Variants in ATG2B observed in about 807,000 individuals in gnomAD.
ATG2B encodes autophagy-related protein 2 homolog B.
Under a neutral mutation model 241.3 loss-of-function variants are expected in ATG2B, and 121 were observed. That is an observed-to-expected ratio of 0.50 (90% CI 0.43 to 0.58). The LOEUF (loss-of-function observed/expected upper bound fraction) is 0.58, where lower values mean the gene tolerates loss of function less well. ATG2B is among the 20% of genes least tolerant of loss of function. ATG2B has a pLI of 0.00. For missense variants in ATG2B, 2,306 were observed against 2,491.6 expected, an observed-to-expected ratio of 0.93 and a Z score of 1.59; for synonymous variants, 858 against 876.6, an observed-to-expected ratio of 0.98 and a Z score of 0.37.
intron 1 of ATG2B, among the ~76,000 whole-genome samples, chr14:96,354,434 G>A (rs376882234): frequency 2.0e-4 from 31 of 152,236 alleles, no homozygotes; most frequent in Non-Finnish European, 3.4e-4. Context: ...CTCCATCCAC[G>A]TGCCTGCAAA....
At chr14:96,314,986 C>T (rs1231435641) in intron 23 of ATG2B, among the ~76,000 whole-genome samples, 168 bp downstream of exon 23, 2 of 152,222 alleles carry the variant, frequency 1.3e-5, no homozygotes, top group African/African-American at 2.4e-5. Context: ...CCACCGTGCC[C>T]GGCCAATACT....
rs1566716988 is a variant in ATG2B, at chr14:96,302,007, C to G, written c.5139G>C (p.Gln1713His). The change falls in exon 34 of 42, where the codon CAG becomes CAC. Residue 1713 changes from glutamine (Q) to histidine (H), a missense_variant and splice_region_variant. Physicochemically the swap from Gln to His is conservative, Grantham distance 24. This residue lies in a region of ATG2B where 379 missense variants were observed against 480.4 expected (regional missense o/e 0.79). Transcript: ENST00000359933. ...SLMPLRLNID[Q>H]DALFFLKDFF... Reference sequence around the variant, plus strand: ...CAGGAATCACGCTCATGCTACAAACCTGGTCAATATTGAGGCGGAGCGGCA... The same window carrying G: ...CAGGAATCACGCTCATGCTACAAACGTGGTCAATATTGAGGCGGAGCGGCA... 6 of 1,612,046 alleles carry G rather than the reference C, an allele frequency of 3.7e-6. No individual in the cohort carries two copies. The highest frequency in any genetic ancestry group is 5.1e-6 in the Non-Finnish European group (6 of 1,178,598).
intron 3 of ATG2B, 131 bp from the exon 4 acceptor site, chr14:96,344,887 T>A (rs1049443863): frequency 7.9e-6 from 4 of 508,456 alleles, no homozygotes; most frequent in East Asian, 3.2e-5. Flanking sequence ...TTTCTTTCCA[T>A]TAAAATCCTT....
intron 6 of ATG2B, among the ~76,000 whole-genome samples, chr14:96,337,848 T>A (rs1348052919): frequency 6.6e-6 from 1 of 152,178 alleles, no homozygotes; most frequent in Non-Finnish European, 1.5e-5. Context: ...GCATTGAATA[T>A]GTGGATTGTT....
intron 36 of ATG2B, among the ~76,000 whole-genome samples, chr14:96,292,451 T>C (rs868603174): frequency 1.2e-4 from 18 of 152,156 alleles, no homozygotes; most frequent in African/African-American, 4.3e-4. Flanking sequence ...TATTCTTATA[T>C]ATATTCACAA....
intron 34 of ATG2B, among the ~76,000 whole-genome samples, chr14:96,298,792 G>T (rs978795774): frequency 6.6e-6 from 1 of 152,174 alleles, no homozygotes; most frequent in Non-Finnish European, 1.5e-5. Context: ...ACGTCTTCAC[G>T]GTAAGGAAAA....
chr14:96,348,074 G>C (rs548477504), intron 1 of ATG2B, among the ~76,000 whole-genome samples: 2 of 152,286 alleles, frequency 1.3e-5, no homozygotes, highest in African/African-American at 2.4e-5. Context: ...CCAAGATTTG[G>C]AAGCAACCTA....
rs748658948 is a variant in ATG2B, at chr14:96,321,215, G to A, written c.2879+897C>T. ...TACTAACATTTAAGGAATAAATACC[G>A]AGTGGTATCTGATACCAAGTAAACC... On this transcript the variant is annotated intron_variant, in intron 18 of 41. Transcript: ENST00000359933. 3.3e-5 allele frequency among the ~76,000 whole-genome samples: 5 copies of A among 152,218 alleles called. No individual in the cohort carries two copies. The East Asian group carries it at 5.8e-4, about 18-fold the overall frequency.
intron 25 of ATG2B, among the ~76,000 whole-genome samples, chr14:96,312,442 T>C (rs965402023): frequency 5.3e-5 from 8 of 152,274 alleles, no homozygotes; most frequent in South Asian, 2.1e-4. Context: ...GTTTAAACTA[T>C]AGTATAAAGA....
chr14:96,332,832 A>G (rs574814918), intron 8 of ATG2B, among the ~76,000 whole-genome samples, 177 bp from the exon 9 acceptor site: 10 of 152,208 alleles, frequency 6.6e-5, no homozygotes, highest in Non-Finnish European at 1.5e-4. Flanking sequence ...TTAATGGCAT[A>G]GTAAAAACTC....
At chr14:96,362,481 C>T (rs1169058617) in intron 1 of ATG2B, among the ~76,000 whole-genome samples, 3 of 152,188 alleles carry the variant, frequency 2.0e-5, no homozygotes, top group Non-Finnish European at 4.4e-5. Context: ...CCACAAAACC[C>T]TGCGGCCCCT....
At chr14:96,300,823 GT>G (rs1886770059) in intron 34 of ATG2B, among the ~76,000 whole-genome samples, 1 of 152,182 alleles carries the variant, frequency 6.6e-6, no homozygotes, top group Non-Finnish European at 1.5e-5. Context: ...GTACTTCACA[GT>G]ACATTTTCTC....
In ATG2B at chr14:96,279,529, G is replaced by C. The variant is rs944513918; in HGVS notation, c.*6226C>G. On this transcript the variant is annotated 3_prime_UTR_variant, in exon 42 of 42. Coordinates refer to ENST00000359933, the MANE Select transcript of ATG2B (RefSeq NM_018036.7). ...AAGGAAGTCAAACAGGGAAACAGAC[G>C]TGGATCTACAGTATGCGGGGAGTGC... 2.0e-5 allele frequency: 3 copies of C among 152,278 alleles called. No individual in the cohort carries two copies. The highest frequency in any genetic ancestry group is 4.4e-5 in the Non-Finnish European group (3 of 68,066). 9.4% of individuals were successfully genotyped at this position (152,278 alleles called of 1,614,324 possible).
rs565651095 is a variant in ATG2B, at chr14:96,363,216, A to T, written c.-240T>A. 8 of 511,946 alleles carry T rather than the reference A, an allele frequency of 1.6e-5. No homozygotes were observed. The African/African-American group carries it at 1.6e-4, about 10-fold the overall frequency. 31.7% of individuals were successfully genotyped at this position (511,946 alleles called of 1,614,324 possible). A position where few individuals can be genotyped will look rare whatever the true frequency, so the allele number is the denominator to read the frequency against. On this transcript the variant is annotated 5_prime_UTR_variant, in exon 1 of 42. Coordinates refer to ENST00000359933, the MANE Select transcript of ATG2B (RefSeq NM_018036.7). ...GCCCCAGGCCAGGGGACTTCCGAGG[A>T]GGGTCCCAACCGGCTCGGAGAGAGT...
At position 96,333,728 on chromosome 14, in the gene ATG2B, GC is replaced by G; in HGVS notation, c.1166del (p.Ser389ThrfsTer49). The G allele has an allele frequency of 6.2e-7, 1 of 1,613,836 alleles. No homozygotes were observed. The highest frequency in any genetic ancestry group is 1.1e-5 in the South Asian group (1 of 91,064). On this transcript the variant is annotated frameshift_variant, in exon 8 of 42. Transcript: ENST00000359933. LOFTEE classifies it high-confidence loss of function. ...TACGAGCTGTTTCTGTCTCATAAAA[GC>G]TTTGCTCTGAAGATACACCCACAGA... ...SLSVGVSSEQ[S>X]FYETETARTP...
At chr14:96,348,475 C>T (rs1273359618) in intron 1 of ATG2B, among the ~76,000 whole-genome samples, 1 of 151,948 alleles carries the variant, frequency 6.6e-6, no homozygotes, top group East Asian at 1.9e-4. Flanking sequence ...TCGAGGTCAG[C>T]AGTTCGAGAC....
chr14:96,317,939 C>A, intron 18 of ATG2B, 84 bp from the exon 19 acceptor site: 2 of 1,020,496 alleles, frequency 2.0e-6, no homozygotes, highest in Non-Finnish European at 2.8e-6. Flanking sequence ...TTTAAAAGAT[C>A]GTATGAACAA....
chr14:96,333,109 A>C (rs890553588), intron 8 of ATG2B, among the ~76,000 whole-genome samples: 1 of 152,104 alleles, frequency 6.6e-6, no homozygotes, highest in Non-Finnish European at 1.5e-5. Context: ...TCTCATGCAA[A>C]TGAAGTTTAT....
At chr14:96,353,533 C>T (rs904966902) in intron 1 of ATG2B, among the ~76,000 whole-genome samples, 6 of 151,720 alleles carry the variant, frequency 4.0e-5, no homozygotes, top group East Asian at 1.9e-4. Context: ...GGCTGAGGTA[C>T]GAGAATCGCT....
Sources: gnomAD v4.1 joint callset for allele counts (sites outside exome capture counted in the v4.1 genomes callset) on GRCh38, gnomAD v4.1.1 for gene constraint, gnomAD v4.1.1 regional missense constraint, MANE v1.5 for transcripts, NCBI Gene and HGNC (gene_info 2026-07-23, HGNC 2026-07-21) for gene names.